Variants in NRDC observed in about 807,000 individuals in gnomAD.
The protein encoded by NRDC is nardilysin convertase, also known as nardilysin.
In NRDC, 54 loss-of-function variants were observed where a neutral mutation model predicts 147.1. The observed-to-expected ratio is 0.37, with a 90% CI of 0.29 to 0.46. The LOEUF is 0.46. NRDC is among the 20% of genes least tolerant of loss of function. The probability of loss-of-function intolerance (pLI) is 1.00; values close to 1 mark genes in which losing one functional copy is unlikely to be tolerated. For missense variants in NRDC, 1,082 were observed against 1,370.6 expected (o/e 0.79, Z 3.33); for synonymous variants, 440 against 482.1 (o/e 0.91, Z 1.14).
rs2405862 is a variant in NRDC, at chr1:51,836,253, T to C, written c.631-41A>G. Reference sequence around the variant, plus strand: ...CACATACAAATAGTTGAGTCAACCCTAAAGGAATAATATTCGCATCTTATC... The same window carrying C: ...CACATACAAATAGTTGAGTCAACCCCAAAGGAATAATATTCGCATCTTATC... On this transcript the variant is annotated intron_variant, in intron 2 of 30. Coordinates refer to ENST00000352171, the MANE Select transcript of NRDC (RefSeq NM_001101662.2). 4.1e-3 allele frequency: 6,504 copies of C among 1,596,222 alleles called. 229 individuals carry two copies. In the African/African-American group the frequency reaches 0.077, roughly 19 times the overall value.
intron 1 of NRDC, among the ~76,000 whole-genome samples, chr1:51,870,283 G>C (rs1030042278): frequency 1.3e-5 from 2 of 152,144 alleles, no homozygotes; most frequent in African/African-American, 4.8e-5. Flanking sequence ...GTGAAGAGGG[G>C]AACACATCAG....
intron 1 of NRDC, among the ~76,000 whole-genome samples, chr1:51,865,609 G>A (rs1449987630): frequency 6.6e-6 from 1 of 151,938 alleles, no homozygotes; most frequent in Non-Finnish European, 1.5e-5. Context: ...AGCCTAAAAA[G>A]ATTTTTTAAG....
In NRDC at chr1:51,821,541, A is replaced by G; in HGVS notation, c.1174T>C (p.Leu392=). ...AAGATTTCAGTCACCCACTTTTCCA[A>G]AGTATCCAGTGTTTCTTGAGAGGGG... ...VVQSKETLDT[L]EKWVTEIFSQ... The change falls in exon 8 of 31, where the codon TTG becomes CTG. Residue 392 remains leucine, a synonymous_variant. Coordinates refer to ENST00000352171, the MANE Select transcript of NRDC (RefSeq NM_001101662.2). The G allele has an allele frequency of 6.2e-7, 1 of 1,608,840 alleles. No homozygotes were observed. Among genetic ancestry groups the G allele is most frequent in the South Asian group, 1.1e-5 (1 of 90,944 alleles).
intron 1 of NRDC, among the ~76,000 whole-genome samples, chr1:51,858,676 A>G (rs535609979): frequency 4.6e-5 from 7 of 152,300 alleles, no homozygotes; most frequent in African/African-American, 1.4e-4. Flanking sequence ...GTCCAAGCAC[A>G]GAGTACTGTT....
At chr1:51,826,799 C>A (rs577411644) in intron 5 of NRDC, among the ~76,000 whole-genome samples, 2 of 152,192 alleles carry the variant, frequency 1.3e-5, no homozygotes, top group South Asian at 4.1e-4. Context: ...TTTTTCAAAG[C>A]ATAATAAAAT....
chr1:51,841,918 T>C (rs1303142250), intron 1 of NRDC, among the ~76,000 whole-genome samples: 1 of 152,162 alleles, frequency 6.6e-6, no homozygotes. Flanking sequence ...GACTGAACAC[T>C]GGGATTTATC....
At chr1:51,801,630 A>G (rs1679206817) in intron 20 of NRDC, among the ~76,000 whole-genome samples, 1 of 152,126 alleles carries the variant, frequency 6.6e-6, no homozygotes, top group Non-Finnish European at 1.5e-5. Context: ...TTTTCCAAAA[A>G]AGTTTTTATT....
intron 22 of NRDC, chr1:51,795,406 C>T (rs557640656): frequency 4.4e-5 from 11 of 250,954 alleles, no homozygotes; most frequent in South Asian, 1.0e-4. Flanking sequence ...CAACGGTGCT[C>T]GGAAAAACAG....
intron 20 of NRDC, among the ~76,000 whole-genome samples, chr1:51,802,566 G>A (rs1282604047): frequency 6.6e-6 from 1 of 152,088 alleles, no homozygotes; most frequent in Admixed American, 6.5e-5. Context: ...GGCCTCAGAG[G>A]CTGACAAAGT....
intron 4 of NRDC, among the ~76,000 whole-genome samples, chr1:51,833,688 A>G (rs550114600): frequency 6.6e-6 from 1 of 152,266 alleles, no homozygotes; most frequent in East Asian, 1.9e-4. Flanking sequence ...AGCTCACTAC[A>G]GCCTCGAATT....
intron 1 of NRDC, among the ~76,000 whole-genome samples, chr1:51,857,504 G>A (rs1029686658): frequency 1.1e-4 from 17 of 152,186 alleles, no homozygotes; most frequent in Non-Finnish European, 2.5e-4. Context: ...ATGCCCAGGA[G>A]CATGGAGTGA....
At chr1:51,829,565 T>G (rs1404774454) in intron 4 of NRDC, among the ~76,000 whole-genome samples, 1 of 152,234 alleles carries the variant, frequency 6.6e-6, no homozygotes, top group Non-Finnish European at 1.5e-5. Flanking sequence ...TGATTTGATG[T>G]CTTACAACAG....
chr1:51,868,192 A>G (rs1042896001), intron 1 of NRDC, among the ~76,000 whole-genome samples: 2 of 152,220 alleles, frequency 1.3e-5, no homozygotes, highest in African/African-American at 4.8e-5. Context: ...AATAGCGTGG[A>G]AAGACAAGTA....
intron 10 of NRDC, 99 bp downstream of exon 10, chr1:51,817,967 G>T: frequency 2.4e-6 from 2 of 832,330 alleles, no homozygotes; most frequent in Non-Finnish European, 3.9e-6. Flanking sequence ...GTATTGCTAT[G>T]TTTATAAATT....
chr1:51,826,741 A>G (rs1680464019), intron 5 of NRDC, among the ~76,000 whole-genome samples: 1 of 152,178 alleles, frequency 6.6e-6, no homozygotes, highest in African/African-American at 2.4e-5. Flanking sequence ...GCATAAACCA[A>G]AACTCCATAC....
At chr1:51,819,993 A>T (rs1680141747) in intron 8 of NRDC, 120 bp from the exon 9 acceptor site, 9 of 727,500 alleles carry the variant, frequency 1.2e-5, no homozygotes, top group Middle Eastern at 3.9e-4. Flanking sequence ...CTTGGAAAGC[A>T]TTCCAGGCAT....
At chr1:51,823,547 TTG>T in intron 7 of NRDC, 115 bp downstream of exon 7, 1 of 517,798 alleles carries the variant, frequency 1.9e-6, no homozygotes, top group Non-Finnish European at 3.0e-6. Context: ...TTCCTTTACT[TTG>T]TATTAAGGTC....
Position 51,790,906 on chromosome 1 carries a change from G to A in NRDC, c.3045C>T (p.Asn1015=). 6.2e-7 allele frequency: 1 copy of A among 1,612,906 alleles called. No individual in the cohort carries two copies. The highest frequency in any genetic ancestry group is 8.5e-7 in the Non-Finnish European group (1 of 1,179,062). Residue 1015 remains asparagine (N), a synonymous_variant, in exon 28 of 31, where the codon AAC becomes AAT. Coordinates refer to ENST00000352171, the MANE Select transcript of NRDC (RefSeq NM_001101662.2). ...KIENLTEEAF[N]TQVTALIKLK... ...ACCAGGCTGGCACAGTCACCTGGGT[G>A]TTGAATGCCTCTTCAGTGAGGTTCT...
intron 20 of NRDC, chr1:51,800,980 G>A (rs1354397823): frequency 8.7e-6 from 2 of 229,044 alleles, no homozygotes; most frequent in East Asian, 1.0e-4. Context: ...GAGTAGCTGG[G>A]ACTACAGACA....
Sources: allele counts gnomAD v4.1 joint callset (sites outside exome capture counted in the v4.1 genomes callset), GRCh38; gene constraint gnomAD v4.1.1; transcripts MANE v1.5; gene names NCBI Gene and HGNC (gene_info 2026-07-23, HGNC 2026-07-21).